The following PCNT variants were observed in gnomAD, a reference collection of about 807,000 sequenced individuals.
PCNT encodes the protein kendrin.
PCNT carries 319 observed loss-of-function variants against 380.4 expected under a neutral mutation model. The observed-to-expected ratio is 0.84, with a 90% CI of 0.77 to 0.92. PCNT has a LOEUF of 0.92. Among genes scored for constraint, PCNT ranks in the 40% least tolerant of loss-of-function variants. The pLI, the probability that PCNT is intolerant of heterozygous loss-of-function variation, is 0.00. For missense variants in PCNT, 4,400 were observed against 4,255.3 expected (o/e 1.03, Z -0.95); for synonymous variants, 1,845 against 1,735.2 (o/e 1.06, Z -1.57).
chr21:46,388,800 G>A lies in PCNT; in HGVS notation c.3523G>A (p.Ala1175Thr). The change falls in exon 18 of 47, where the codon GCA becomes ACA. Residue 1175 changes from alanine to threonine, a missense_variant. Coordinates refer to ENST00000359568, the MANE Select transcript of PCNT (RefSeq NM_006031.6). The surrounding 1 kb of genome is among the most constrained non-coding windows in gnomAD (Gnocchi z 4.2). ...LLGLFGETLR[A>T]AVTLRSRIGE... is the part of the protein sequence containing the mutation. ...GGGTTTGTTTGGAGAGACGCTGAGG[G>A]CAGCCGTCACCCTGAGGAGCCGGAT... is the stretch of plus-strand genomic sequence containing the variant. 1 of 1,613,578 alleles carries A rather than the reference G, an allele frequency of 6.2e-7. No homozygotes were observed. The highest frequency in any genetic ancestry group is 2.2e-5 in the East Asian group (1 of 44,874).
chr21:46,334,701 C>G lies in PCNT; in HGVS notation c.572C>G (p.Thr191Arg). The G allele has an allele frequency of 5.6e-6, 9 of 1,613,294 alleles. No individual in the cohort carries two copies. The highest frequency in any genetic ancestry group is 7.6e-6 in the Non-Finnish European group (9 of 1,179,654). The change falls in exon 3 of 47, where the codon ACA (threonine) becomes AGA (arginine). Residue 191 changes from threonine to arginine, a missense_variant. By Grantham distance (71) the Thr-to-Arg change is moderately conservative (BLOSUM62 -1). Coordinates refer to ENST00000359568, the MANE Select transcript of PCNT (RefSeq NM_006031.6). ...QRGMFTVSDH[T>R]PEQRGIFTIS... ...GGGATGTTCACAGTCAGTGACCACA[C>G]ACCAGAACAGCGTGGGATCTTCACA...
chr21:46,427,150 G>A (rs1327970401), intron 33 of PCNT, among the ~76,000 whole-genome samples: 1 of 152,252 alleles, frequency 6.6e-6, no homozygotes, highest in African/African-American at 2.4e-5. Context: ...GAGCTTTGCT[G>A]ACATTTTCCT....
At chr21:46,332,473 G>A (rs991846979) in intron 2 of PCNT, among the ~76,000 whole-genome samples, 2 of 152,204 alleles carry the variant, frequency 1.3e-5, no homozygotes, top group Admixed American at 1.3e-4. Flanking sequence ...TATCAAGTAA[G>A]TTTTGACACA....
intron 21 of PCNT, among the ~76,000 whole-genome samples, chr21:46,395,191 T>C (rs1283112290): frequency 6.6e-6 from 1 of 152,244 alleles, no homozygotes; most frequent in Non-Finnish European, 1.5e-5. Context: ...GTCATGATAG[T>C]TTGTGATAAA....
At chr21:46,378,681 GCAGA>G in intron 15 of PCNT, among the ~76,000 whole-genome samples, 1 of 152,054 alleles carries the variant, frequency 6.6e-6, no homozygotes, top group Middle Eastern at 3.4e-3. Context: ...AACTGAAACC[GCAGA>G]CAAAGGGGAC....
At chr21:46,396,969 C>T (rs2086231070) in intron 21 of PCNT, among the ~76,000 whole-genome samples, 1 of 152,136 alleles carries the variant, frequency 6.6e-6, no homozygotes, top group Non-Finnish European at 1.5e-5. Flanking sequence ...ACCCCAGGCT[C>T]TCAGCACCGT....
intron 15 of PCNT, among the ~76,000 whole-genome samples, chr21:46,374,983 C>G (rs117262476): frequency 0.02 from 3,054 of 152,172 alleles, 42 homozygotes; most frequent in Middle Eastern, 0.058. Context: ...CCTCAAATAT[C>G]TTTGCACCTG....
intron 29 of PCNT, 150 bp from the exon 30 acceptor site, chr21:46,415,919 T>C (rs2087008620): frequency 9.8e-6 from 7 of 716,314 alleles, no homozygotes; most frequent in East Asian, 2.7e-5. Context: ...CTGTTTCTCA[T>C]AGAATTAAAT....
At chr21:46,334,197 T>G (rs1244906059) in intron 2 of PCNT, among the ~76,000 whole-genome samples, 200 bp from the exon 3 acceptor site, 1 of 141,220 alleles carries the variant, frequency 7.1e-6, no homozygotes, top group East Asian at 2.0e-4. Context: ...AGAGCAAGAC[T>G]CCGTCTCAAA....
chr21:46,444,937 C>A, intron 46 of PCNT, 116 bp downstream of exon 46: 2 of 929,306 alleles, frequency 2.2e-6, no homozygotes, highest in Non-Finnish European at 3.5e-6. Flanking sequence ...TCAGTCTGAA[C>A]AATCAGTGTC....
chr21:46,418,344 A>C, intron 31 of PCNT, 38 bp downstream of exon 31: 1 of 1,210,018 alleles, frequency 8.3e-7, no homozygotes, highest in South Asian at 1.2e-5. Flanking sequence ...TTTTTATTTC[A>C]GTGGTTTCCT....
At position 46,438,321 on chromosome 21, in the gene PCNT, A is replaced by C. The variant is rs1462526666; in HGVS notation, c.9257A>C (p.Lys3086Thr). The C allele has an allele frequency of 5.0e-6, 8 of 1,613,928 alleles. No individual in the cohort carries two copies. The highest frequency in any genetic ancestry group is 3.3e-5 in the South Asian group (3 of 91,090). The part of the protein sequence containing the change: ...LEKLLKHHLQ[K>T]GCSPSRSERS... ...AAGTTGCTGAAGCACCATCTGCAGA[A>C]GGGCTGCAGCCCAAGCGTAGGTGTC... The change falls in exon 41 of 47, where the codon AAG becomes ACG. Residue 3086 changes from lysine (K) to threonine (T), a missense_variant. Transcript: ENST00000359568.
intron 3 of PCNT, among the ~76,000 whole-genome samples, chr21:46,341,521 A>G (rs575147871): frequency 1.3e-5 from 2 of 152,030 alleles, no homozygotes; most frequent in African/African-American, 4.8e-5. Context: ...ACGTCTAGTA[A>G]GGCAGGGAAT....
At position 46,416,243 on chromosome 21, in the gene PCNT, A is replaced by C; in HGVS notation, c.6325A>C (p.Ser2109Arg). Reference protein sequence around the residue: ...PMASAHLLESSWSDDSCDGEE... With the variant: ...PMASAHLLESRWSDDSCDGEE... ...GGCCTCAGCACACCTGTTGGAGAGC[A>C]GCTGGAGTGATGATTCCTGTGACGG... The change falls in exon 30 of 47, where the codon AGC becomes CGC. Residue 2109 changes from serine to arginine, a missense_variant. Coordinates refer to ENST00000359568, the MANE Select transcript of PCNT (RefSeq NM_006031.6). 1 of 1,614,194 alleles carries C rather than the reference A, an allele frequency of 6.2e-7. No homozygotes were observed. Among genetic ancestry groups the C allele is most frequent in the South Asian group, 1.1e-5 (1 of 91,082 alleles).
chr21:46,336,891 A>G (rs1376019179), intron 3 of PCNT, among the ~76,000 whole-genome samples: 3 of 147,982 alleles, frequency 2.0e-5, no homozygotes, highest in Non-Finnish European at 4.5e-5. Context: ...CCTCCCCCCC[A>G]GGTTTATTTG....
chr21:46,334,245 A>C, intron 2 of PCNT, 152 bp from the exon 3 acceptor site: 1 of 998,536 alleles, frequency 1.0e-6, no homozygotes, highest in Non-Finnish European at 1.5e-6. Context: ...GGAATTGTTA[A>C]TGCGGAAGGT....
At chr21:46,328,720 C>CA (rs2083466176) in intron 2 of PCNT, among the ~76,000 whole-genome samples, 1 of 151,876 alleles carries the variant, frequency 6.6e-6, no homozygotes, top group South Asian at 2.1e-4. Context: ...CTTGGCCTCC[C>CA]AAAGTGCTGG....
At chr21:46,422,975 C>A (rs370316002) in intron 32 of PCNT, among the ~76,000 whole-genome samples, 21 of 152,246 alleles carry the variant, frequency 1.4e-4, no homozygotes, top group African/African-American at 5.1e-4. Context: ...TGGCTGGGCA[C>A]GGTGGCTCAT....
chr21:46,434,319 A>G (rs571736773), intron 38 of PCNT, among the ~76,000 whole-genome samples: 1 of 152,326 alleles, frequency 6.6e-6, no homozygotes, highest in African/African-American at 2.4e-5. Context: ...GTAGAGTCTG[A>G]GCTGCACCCT....
Sources: gnomAD v4.1 joint callset for allele counts (sites outside exome capture counted in the v4.1 genomes callset) on GRCh38, gnomAD v4.1.1 for gene constraint, Gnocchi (gnomAD v3.1) non-coding constraint, MANE v1.5 for transcripts, NCBI Gene and HGNC (gene_info 2026-07-23, HGNC 2026-07-21) for gene names.